Variants in SEC24B observed in about 807,000 individuals in gnomAD.
SEC24B encodes the protein SEC24 homolog B, COPII component.
SEC24B carries 45 observed loss-of-function variants against 142.8 expected under a neutral mutation model. The observed-to-expected ratio is 0.32, with a 90% CI of 0.25 to 0.40. The LOEUF (loss-of-function observed/expected upper bound fraction) is 0.40. Ranked by LOEUF, SEC24B falls within the 10% of genes least tolerant of loss-of-function variation. The pLI is 1.00. For missense variants in SEC24B, 1,409 were observed against 1,526.8 expected (o/e 0.92, Z 1.29); for synonymous variants, 574 against 568.2 (o/e 1.01, Z -0.15).
chr4:109,438,310 G>GTGTA (rs1728604587), intron 1 of SEC24B, among the ~76,000 whole-genome samples: 1 of 152,018 alleles, frequency 6.6e-6, no homozygotes, highest in African/African-American at 2.4e-5. Context: ...TTGTCTGTTT[G>GTGTA]TTTATTTATT....
chr4:109,505,896 A>C (rs1173793686), intron 6 of SEC24B, among the ~76,000 whole-genome samples: 1 of 152,226 alleles, frequency 6.6e-6, no homozygotes, highest in African/African-American at 2.4e-5. Context: ...ATAACAAGCC[A>C]TTAATTCATG....
chr4:109,514,346 T>C (rs2126056011), intron 10 of SEC24B, among the ~76,000 whole-genome samples: 1 of 152,318 alleles, frequency 6.6e-6, no homozygotes, highest in African/African-American at 2.4e-5. Flanking sequence ...AAAAACGAAT[T>C]ACTGGCCCTA....
At chr4:109,530,903 A>G (rs1022707574) in intron 19 of SEC24B, among the ~76,000 whole-genome samples, 2 of 150,232 alleles carry the variant, frequency 1.3e-5, no homozygotes, top group African/African-American at 4.9e-5. Flanking sequence ...CTCAAAAAAA[A>G]AAAAAAAAAA....
At chr4:109,519,058 C>T (rs963775999) in intron 11 of SEC24B, among the ~76,000 whole-genome samples, 4 of 152,064 alleles carry the variant, frequency 2.6e-5, no homozygotes, top group Non-Finnish European at 5.9e-5. Context: ...CCACCCACCT[C>T]GGCCTCCCAA....
At chr4:109,458,024 G>A (rs991672438) in intron 1 of SEC24B, among the ~76,000 whole-genome samples, 20 of 152,018 alleles carry the variant, frequency 1.3e-4, no homozygotes, top group Non-Finnish European at 2.8e-4. Context: ...ATGCTTTACT[G>A]ATTATTACAA....
intron 4 of SEC24B, among the ~76,000 whole-genome samples, chr4:109,485,585 A>G (rs1461571842): frequency 6.6e-6 from 1 of 152,226 alleles, no homozygotes; most frequent in Non-Finnish European, 1.5e-5. Flanking sequence ...TTCTCTATTA[A>G]TGGTTTTTTA....
At chr4:109,494,500 TA>T in intron 5 of SEC24B, 114 bp from the exon 6 acceptor site, 2 of 1,377,698 alleles carry the variant, frequency 1.5e-6, no homozygotes, top group Non-Finnish European at 2.0e-6. Context: ...TTTCTTAGAA[TA>T]AAAAGCTTTA....
At chr4:109,466,000 G>T (rs1180304378) in intron 2 of SEC24B, among the ~76,000 whole-genome samples, 1 of 151,902 alleles carries the variant, frequency 6.6e-6, no homozygotes, top group African/African-American at 2.4e-5. Flanking sequence ...GAAGTTCAGA[G>T]GTTGACAAAT....
At chr4:109,507,203 G>A (rs1736780653) in intron 7 of SEC24B, among the ~76,000 whole-genome samples, 1 of 150,992 alleles carries the variant, frequency 6.6e-6, no homozygotes, top group Admixed American at 6.6e-5. Context: ...TTCTTTTTTT[G>A]GAAGACATCC....
At chr4:109,463,721 G>T in intron 2 of SEC24B, 77 bp downstream of exon 2, 1 of 1,522,032 alleles carries the variant, frequency 6.6e-7, no homozygotes. Flanking sequence ...TTACATGAAG[G>T]TTAGAGGTGA....
At position 109,527,330 on chromosome 4, in the gene SEC24B, AG is replaced by A. The variant is rs1158679549; in HGVS notation, c.2975del (p.Arg992LysfsTer12). The A allele has an allele frequency of 1.2e-6, 2 of 1,600,438 alleles. No homozygotes were observed. Among genetic ancestry groups the A allele is most frequent in the Admixed American group, 3.4e-5 (2 of 58,126 alleles). Reference sequence around the variant, plus strand: ...AATGACTTTTTTTTTAGGTGAGCGGAGAATTAGAGTACATACACTTTGTTTG... The same window carrying A: ...AATGACTTTTTTTTTAGGTGAGCGGAAATTAGAGTACATACACTTTGTTTG... ...LLYTSSKGER[R>X]IRVHTLCLPV... On this transcript the variant is annotated frameshift_variant, in exon 18 of 24. Transcript: ENST00000265175. LOFTEE classifies it high-confidence loss of function.
intron 1 of SEC24B, 112 bp downstream of exon 1, chr4:109,434,114 G>A: frequency 1.4e-6 from 1 of 725,830 alleles, no homozygotes; most frequent in Non-Finnish European, 1.7e-6. Flanking sequence ...GGCCAGGCCC[G>A]GCCCGAGGGA....
chr4:109,444,558 C>G (rs1313109351), intron 1 of SEC24B, among the ~76,000 whole-genome samples: 1 of 112,150 alleles, frequency 8.9e-6, no homozygotes, highest in African/African-American at 3.2e-5. Flanking sequence ...GTTAGGTTTT[C>G]TTAAAGCAAG....
chr4:109,498,370 T>C (rs1735743437), intron 6 of SEC24B, among the ~76,000 whole-genome samples: 1 of 152,222 alleles, frequency 6.6e-6, no homozygotes. Context: ...AGCCTTTTTT[T>C]ATTTTGAGAC....
chr4:109,441,359 G>A (rs1728910498), intron 1 of SEC24B, among the ~76,000 whole-genome samples: 1 of 152,158 alleles, frequency 6.6e-6, no homozygotes, highest in South Asian at 2.1e-4. Flanking sequence ...AATTGTTTGA[G>A]AAGCATATCA....
intron 1 of SEC24B, among the ~76,000 whole-genome samples, chr4:109,438,859 A>G (rs868410755): frequency 4.6e-5 from 7 of 152,260 alleles, no homozygotes; most frequent in African/African-American, 1.7e-4. Flanking sequence ...TGGATTTTTA[A>G]AACTATTTGT....
chr4:109,518,851 A>T (rs190135946), intron 11 of SEC24B, among the ~76,000 whole-genome samples: 2 of 147,264 alleles, frequency 1.4e-5, no homozygotes, highest in African/African-American at 5.1e-5. Flanking sequence ...CTGTTCCCCA[A>T]GCTGGAGTAC....
intron 14 of SEC24B, 70 bp from the exon 15 acceptor site, chr4:109,524,748 T>A (rs1724035824): frequency 6.9e-7 from 1 of 1,451,504 alleles, no homozygotes; most frequent in Admixed American, 2.1e-5. Flanking sequence ...ATATCCTTTT[T>A]GTTATAAAAA....
chr4:109,437,132 C>T (rs11933971), intron 1 of SEC24B, among the ~76,000 whole-genome samples: 26,577 of 151,964 alleles, frequency 0.17, 2,626 homozygotes, highest in African/African-American at 0.27. Flanking sequence ...CTGTGGGATC[C>T]GAGTCTAACT....
Sources: allele counts gnomAD v4.1 joint callset (sites outside exome capture counted in the v4.1 genomes callset), GRCh38; gene constraint gnomAD v4.1.1; transcripts MANE v1.5; gene names NCBI Gene and HGNC (gene_info 2026-07-23, HGNC 2026-07-21).